The following TNRC6A variants were observed in gnomAD, a reference collection of about 807,000 sequenced individuals.
TNRC6A encodes the protein trinucleotide repeat-containing gene 6A protein.
Under a neutral mutation model 221.2 loss-of-function variants are expected in TNRC6A, and 44 were observed. The ratio of observed to expected loss-of-function variants is 0.20; its 90% CI spans 0.16 to 0.26. The LOEUF is 0.26. Ranked by LOEUF, TNRC6A falls within the 10% of genes least tolerant of loss-of-function variation. The probability of loss-of-function intolerance (pLI) is 1.00; values close to 1 mark genes in which losing one functional copy is unlikely to be tolerated. For missense variants in TNRC6A, 2,199 were observed against 2,404.4 expected (o/e 0.91, Z 1.79); for synonymous variants, 847 against 838.5 (o/e 1.01, Z -0.18).
intron 2 of TNRC6A, among the ~76,000 whole-genome samples, chr16:24,678,654 A>G (rs145305374): frequency 7.9e-5 from 12 of 152,222 alleles, no homozygotes; most frequent in South Asian, 2.1e-4. Flanking sequence ...GCAGTGAGCC[A>G]AGATTATACC....
Position 24,823,385 on chromosome 16 carries a change from C to T in TNRC6A, c.5514-47C>T, listed in dbSNP as rs1044590743. On this transcript the variant is annotated intron_variant, in intron 24 of 24. Transcript: ENST00000395799. This position sits in a 1 kb window ranked among gnomAD's most constrained non-coding sequence, Gnocchi z 4.3. ...CCCTCACTTGTGAGTGAATGAAGCC[C>T]TCCTGGTGTGCTGTCCTCACGTGTC... is the stretch of plus-strand genomic sequence containing the variant. 1 of 1,553,802 alleles carries T rather than the reference C, an allele frequency of 6.4e-7. No homozygotes were observed. The highest frequency in any genetic ancestry group is 8.7e-7 in the Non-Finnish European group (1 of 1,149,214).
chr16:24,776,804 T>C, intron 4 of TNRC6A, 129 bp from the exon 5 acceptor site: 2 of 1,489,850 alleles, frequency 1.3e-6, no homozygotes, highest in South Asian at 1.4e-5. Context: ...AATGAGGATA[T>C]CCCTGCTCAC....
intron 4 of TNRC6A, among the ~76,000 whole-genome samples, chr16:24,764,091 A>T (rs902273480): frequency 6.6e-6 from 1 of 151,666 alleles, no homozygotes; most frequent in Non-Finnish European, 1.5e-5. Context: ...GTACCCTTTG[A>T]CCTATATCTA....
intron 11 of TNRC6A, among the ~76,000 whole-genome samples, chr16:24,798,844 C>G (rs1454200387): frequency 1.3e-5 from 2 of 152,154 alleles, no homozygotes; most frequent in African/African-American, 4.8e-5. Flanking sequence ...ATGTAGTATA[C>G]AAGACTTTAA....
Position 24,771,582 on chromosome 16 carries a change from T to TTGTGA in TNRC6A, c.164-5348_164-5347insGATGT, listed in dbSNP as rs1555502170. Among the ~76,000 whole-genome samples the TTGTGA allele has an allele frequency of 9.1e-3, 867 of 95,546 alleles. 11 individuals are homozygous for TTGTGA. Among genetic ancestry groups the TTGTGA allele is most frequent in the Middle Eastern group, 0.031 (6 of 192 alleles). The allele number at this position is 95,546 out of a possible 152,430, so 62.7% of individuals were successfully genotyped here. A position where few individuals can be genotyped will look rare whatever the true frequency, so the allele number is the denominator to read the frequency against. On this transcript the variant is annotated intron_variant, in intron 4 of 24. Transcript: ENST00000395799. The stretch of plus-strand genomic sequence containing the variant: ...ATGTTTTATGTTATGTTATGTTATG[T>TTGTGA]TGTTATGTTATGTTATGTTATGTTA...
rs918817679 is a variant in TNRC6A at position 24,818,478 on chromosome 16, A to G, written c.4973-115A>G. 5 of 769,044 alleles carry G rather than the reference A, an allele frequency of 6.5e-6. No homozygotes were observed. In the East Asian group the frequency reaches 1.1e-4, roughly 16 times the overall value. 47.6% of individuals were successfully genotyped at this position (769,044 alleles called of 1,614,324 possible). ...TCGGGCACCATCTTACCCTGAGTGGACCTGTTTCCTTTCTTGTGGCATACT... is the reference window on the plus strand; with the variant it reads ...TCGGGCACCATCTTACCCTGAGTGGGCCTGTTTCCTTTCTTGTGGCATACT... On this transcript the variant is annotated intron_variant, in intron 20 of 24. Transcript: ENST00000395799.
In TNRC6A at chr16:24,824,135, C is replaced by CCCCT. The variant is rs1555512494; in HGVS notation, c.*330_*331insCTCC. The CCCCT allele has an allele frequency of 7.0e-6, 1 of 142,030 alleles. No individual in the cohort carries two copies. The highest frequency in any genetic ancestry group is 1.4e-5 in the Non-Finnish European group (1 of 73,328). The allele number at this position is 142,030 out of a possible 1,614,324, so 8.8% of individuals were successfully genotyped here. ...CTTCTATTCCTCCCCAACCCCCCCCCCCGCCCCTTTTTTTCTCTCTTGCAA... is the reference window on the plus strand; with the variant it reads ...CTTCTATTCCTCCCCAACCCCCCCCCCCCTCCGCCCCTTTTTTTCTCTCTTGCAA... On this transcript the variant is annotated 3_prime_UTR_variant, in exon 25 of 25. Coordinates refer to ENST00000395799, the MANE Select transcript of TNRC6A (RefSeq NM_014494.4).
At chr16:24,642,258 T>C (rs942413687) in intron 2 of TNRC6A, among the ~76,000 whole-genome samples, 14 of 152,164 alleles carry the variant, frequency 9.2e-5, no homozygotes, top group African/African-American at 3.4e-4. Context: ...CTGAGCAATG[T>C]TGTCCGAAGG....
chr16:24,651,822 A>G (rs1331424116), intron 2 of TNRC6A, among the ~76,000 whole-genome samples: 1 of 151,552 alleles, frequency 6.6e-6, no homozygotes, highest in East Asian at 1.9e-4. Context: ...GTACAATGTG[A>G]TGTCATTTTA....
At chr16:24,779,378 T>C (rs2057791919) in intron 5 of TNRC6A, among the ~76,000 whole-genome samples, 1 of 152,168 alleles carries the variant, frequency 6.6e-6, no homozygotes, top group Non-Finnish European at 1.5e-5. Flanking sequence ...TGTACTTTTG[T>C]CTCTTAAAAA....
chr16:24,642,424 G>A (rs1168745105), intron 2 of TNRC6A, among the ~76,000 whole-genome samples: 2 of 152,176 alleles, frequency 1.3e-5, no homozygotes, highest in Non-Finnish European at 2.9e-5. Flanking sequence ...CAGCCTCTGG[G>A]AGGAGTAGGT....
At chr16:24,670,898 C>G (rs774431198) in intron 2 of TNRC6A, 1 of 272,718 alleles carries the variant, frequency 3.7e-6, no homozygotes, top group Admixed American at 3.8e-5. Context: ...TCACCTCCCC[C>G]ACTCCCGCCA....
intron 2 of TNRC6A, among the ~76,000 whole-genome samples, chr16:24,666,952 C>T (rs927499920): frequency 1.3e-5 from 2 of 151,278 alleles, no homozygotes; most frequent in Admixed American, 6.6e-5. Flanking sequence ...ACCATCTCTA[C>T]TAAAAATACA....
intron 2 of TNRC6A, among the ~76,000 whole-genome samples, chr16:24,655,470 C>T (rs2054890677): frequency 6.6e-6 from 1 of 152,140 alleles, no homozygotes; most frequent in South Asian, 2.1e-4. Context: ...GTGTGGATCA[C>T]CTGAGGTCAG....
chr16:24,726,470 G>C (rs2056494592), upstream of TNRC6A, among the ~76,000 whole-genome samples: 1 of 152,106 alleles, frequency 6.6e-6, no homozygotes, highest in Admixed American at 6.6e-5. Flanking sequence ...GTTAGGTTGT[G>C]GCAAATGTAG....
intron 11 of TNRC6A, chr16:24,798,179 A>G (rs1209824514): frequency 1.1e-5 from 4 of 380,654 alleles, no homozygotes; most frequent in African/African-American, 2.1e-5. Context: ...TACTTTACAC[A>G]TAATCCTGCC....
chr16:24,623,792 A>G (rs1006092963), intron 1 of TNRC6A, among the ~76,000 whole-genome samples: 1 of 148,198 alleles, frequency 6.7e-6, no homozygotes, highest in South Asian at 2.2e-4. Flanking sequence ...AGTCCCAGCT[A>G]TCGGGAGGGT....
At chr16:24,806,463 A>G (rs565804036) in intron 16 of TNRC6A, 111 bp from the exon 17 acceptor site, 58 of 1,414,842 alleles carry the variant, frequency 4.1e-5, no homozygotes, top group Non-Finnish European at 5.4e-5. Flanking sequence ...TACAGTGATT[A>G]TTCACCTTTC....
chr16:24,696,483 T>C (rs965300247), intron 2 of TNRC6A, among the ~76,000 whole-genome samples: 1 of 151,606 alleles, frequency 6.6e-6, no homozygotes, highest in African/African-American at 2.4e-5. Flanking sequence ...GTAATCCTAG[T>C]ACACTGGGAG....
Sources: allele counts gnomAD v4.1 joint callset (sites outside exome capture counted in the v4.1 genomes callset), GRCh38; gene constraint gnomAD v4.1.1; non-coding constraint Gnocchi (gnomAD v3.1); transcripts MANE v1.5; gene names NCBI Gene and HGNC (gene_info 2026-07-23, HGNC 2026-07-21).